The following ZC3H7B variants were observed in gnomAD, a reference collection of about 807,000 sequenced individuals.
The protein encoded by ZC3H7B is zinc finger CCCH domain-containing protein 7B.
ZC3H7B carries 35 observed loss-of-function variants against 116.0 expected under a neutral mutation model. The observed-to-expected ratio is 0.30, with a 90% confidence interval of 0.23 to 0.40. The LOEUF (loss-of-function observed/expected upper bound fraction) is 0.40, where lower values mean the gene tolerates loss of function less well. ZC3H7B is among the 10% of genes least tolerant of loss of function. ZC3H7B has a pLI of 1.00. For synonymous variants in ZC3H7B, 502 were observed against 545.6 expected (o/e 0.92, Z 1.11); for missense variants, 1,011 against 1,321.5 (o/e 0.77, Z 3.64).
intron 2 of ZC3H7B, among the ~76,000 whole-genome samples, chr22:41,321,703 T>C (rs2036258332): frequency 6.6e-6 from 1 of 152,112 alleles, no homozygotes; most frequent in African/African-American, 2.4e-5. Flanking sequence ...GGTAGCCTTA[T>C]TTCCATTTTG....
chr22:41,348,233 G>A, intron 15 of ZC3H7B, 66 bp downstream of exon 15: 7 of 1,426,738 alleles, frequency 4.9e-6, no homozygotes, highest in Non-Finnish European at 6.9e-6. Flanking sequence ...AGGCAGCTCA[G>A]ATGGCTGAGG....
chr22:41,307,756 A>T (rs2036063999), intron 1 of ZC3H7B, among the ~76,000 whole-genome samples: 1 of 152,152 alleles, frequency 6.6e-6, no homozygotes, highest in Non-Finnish European at 1.5e-5. Flanking sequence ...TGGCAGCCCC[A>T]TCTTGTAGAT....
At chr22:41,343,297 T>G in intron 12 of ZC3H7B, 118 bp from the exon 13 acceptor site, 1 of 1,345,926 alleles carries the variant, frequency 7.4e-7, no homozygotes, top group Non-Finnish European at 1.0e-6. Context: ...CAGGAGGCCC[T>G]CAGAGGGGAG....
chr22:41,319,927 A>G (rs1440483487), intron 1 of ZC3H7B, among the ~76,000 whole-genome samples: 1 of 151,780 alleles, frequency 6.6e-6, no homozygotes, highest in Non-Finnish European at 1.5e-5. Context: ...GCTACTCCAG[A>G]GGCTGAGGCA....
chr22:41,325,308 T>C (rs971604754), intron 2 of ZC3H7B, among the ~76,000 whole-genome samples: 2 of 150,898 alleles, frequency 1.3e-5, no homozygotes, highest in Non-Finnish European at 3.0e-5. Context: ...AGGCTGGAGG[T>C]GGGGCTGGGG....
chr22:41,331,145 C>T (rs1234580942), intron 6 of ZC3H7B, among the ~76,000 whole-genome samples: 1 of 147,262 alleles, frequency 6.8e-6, no homozygotes, highest in Non-Finnish European at 1.5e-5. Flanking sequence ...GCGTGAGCCA[C>T]CGCGCCCAGC....
rs564859251 is a variant in ZC3H7B, at chr22:41,327,697, C to T, written c.444+333C>T. Among the ~76,000 whole-genome samples the T allele has an allele frequency of 4.6e-5, 7 of 152,106 alleles. No homozygotes were observed. Among genetic ancestry groups the T allele is most frequent in the African/African-American group, 1.2e-4 (5 of 41,484 alleles). ...CAGCACTTTCGGAGGCTGAGGCAGG[C>T]GGATCACCTGAGGTCAGGAGTTTGA... On this transcript the variant is annotated intron_variant, in intron 5 of 22. Coordinates refer to ENST00000352645, the MANE Select transcript of ZC3H7B (RefSeq NM_017590.6). The surrounding 1 kb of genome is among the most constrained non-coding windows in gnomAD (Gnocchi z 4.5).
Position 41,357,467 on chromosome 22 carries a change from G to C in ZC3H7B, c.*38G>C, listed in dbSNP as rs1429669886. 14 of 1,599,686 alleles carry C rather than the reference G, an allele frequency of 8.8e-6. No individual in the cohort carries two copies. Among genetic ancestry groups the C allele is most frequent in the Admixed American group, 1.7e-5 (1 of 59,792 alleles). On this transcript the variant is annotated 3_prime_UTR_variant, in exon 23 of 23. Coordinates refer to ENST00000352645, the MANE Select transcript of ZC3H7B (RefSeq NM_017590.6). This position sits in a 1 kb window ranked among gnomAD's most constrained non-coding sequence, Gnocchi z 5.4. ...GCCGTGGGTGAAGTCCTGGGGTCAGGGGGTGGGGTGGGGCCAGAAGGCCTG... is the reference window on the plus strand; with the variant it reads ...GCCGTGGGTGAAGTCCTGGGGTCAGCGGGTGGGGTGGGGCCAGAAGGCCTG...
Position 41,349,217 on chromosome 22 carries a change from C to T in ZC3H7B, c.1864C>T (p.Arg622Cys), listed in dbSNP as rs2036627050. 2.5e-6 allele frequency: 4 copies of T among 1,613,650 alleles called. No individual in the cohort carries two copies. Among genetic ancestry groups the T allele is most frequent in the South Asian group, 1.1e-5 (1 of 91,092 alleles). The change falls in exon 16 of 23, where the codon CGC becomes TGC. Residue 622 changes from arginine to cysteine, a missense_variant. Physicochemically the swap from Arg to Cys is radical, Grantham distance 180. Transcript: ENST00000352645. This position sits in a 1 kb window ranked among gnomAD's most constrained non-coding sequence, Gnocchi z 4.9. ...GTTCGACGTGTGCCGCCATGAGGTG[C>T]GCTACGGCTGCCTGCGGGAGGACAG... ...FQFDVCRHEV[R>C]YGCLREDSCH...
intron 4 of ZC3H7B, among the ~76,000 whole-genome samples, chr22:41,326,119 G>A (rs2036314622): frequency 6.6e-6 from 1 of 152,166 alleles, no homozygotes; most frequent in African/African-American, 2.4e-5. Flanking sequence ...TAAAAGTACG[G>A]ATGCATAATA....
At chr22:41,355,406 G>C in intron 17 of ZC3H7B, 63 bp from the exon 18 acceptor site, 23 of 1,593,286 alleles carry the variant, frequency 1.4e-5, no homozygotes, top group Non-Finnish European at 2.0e-5. Flanking sequence ...CCTGTGTGGA[G>C]ACTCCAGGGC....
At position 41,351,707 on chromosome 22, in the gene ZC3H7B, C is replaced by A; in HGVS notation, c.2034+61C>A. The A allele has an allele frequency of 6.6e-7, 1 of 1,512,032 alleles. No individual in the cohort carries two copies. Among genetic ancestry groups the A allele is most frequent in the Non-Finnish European group, 9.0e-7 (1 of 1,106,030 alleles). 93.7% of individuals were successfully genotyped at this position (1,512,032 alleles called of 1,614,324 possible). A position where few individuals can be genotyped will look rare whatever the true frequency, so the allele number is the denominator to read the frequency against. On this transcript the variant is annotated intron_variant, in intron 17 of 22. Transcript: ENST00000352645. The surrounding 1 kb of genome is among the most constrained non-coding windows in gnomAD (Gnocchi z 5.1). ...TTGTGAATTGTCCCCAAATTACAAA[C>A]AGGAAGGCTCTAATTTTACAATAGA...
chr22:41,325,929 C>T lies in ZC3H7B; in HGVS notation c.285+11C>T, dbSNP rs2036312276. 6.3e-7 allele frequency: 1 copy of T among 1,595,176 alleles called. No individual in the cohort carries two copies. Among genetic ancestry groups the T allele is most frequent in the Non-Finnish European group, 8.5e-7 (1 of 1,171,762 alleles). Reference sequence around the variant, plus strand: ...TGCTACTTCACCATGGTGAGCCTGGCACCCTCTTTTCTCTCCTCCTCTGCT... The same window carrying T: ...TGCTACTTCACCATGGTGAGCCTGGTACCCTCTTTTCTCTCCTCCTCTGCT... On this transcript the variant is annotated intron_variant, in intron 4 of 22. Coordinates refer to ENST00000352645, the MANE Select transcript of ZC3H7B (RefSeq NM_017590.6).
intron 7 of ZC3H7B, chr22:41,334,497 A>G (rs1239655965): frequency 1.3e-5 from 2 of 151,998 alleles, no homozygotes; most frequent in Non-Finnish European, 2.9e-5. Context: ...CATCCCTGCA[A>G]TCTTGCTGGG....
Position 41,325,703 on chromosome 22 carries a change from A to G in ZC3H7B, c.88-18A>G. The G allele has an allele frequency of 1.9e-6, 3 of 1,609,542 alleles. No individual in the cohort carries two copies. Among genetic ancestry groups the G allele is most frequent in the Non-Finnish European group, 2.5e-6 (3 of 1,177,808 alleles). Reference sequence around the variant, plus strand: ...GGGCCAGAGGTCATGAGCCCCCTACACACCTTGCCCCCAACAGGCCTTTCT... The same window carrying G: ...GGGCCAGAGGTCATGAGCCCCCTACGCACCTTGCCCCCAACAGGCCTTTCT... On this transcript the variant is annotated intron_variant, in intron 3 of 22. Transcript: ENST00000352645.
intron 1 of ZC3H7B, among the ~76,000 whole-genome samples, chr22:41,316,195 G>A (rs2036181287): frequency 6.6e-6 from 1 of 151,940 alleles, no homozygotes; most frequent in African/African-American, 2.4e-5. Context: ...GTTTCTCCAT[G>A]TTGGTCAGGC....
rs563559839 is a variant in ZC3H7B, at chr22:41,359,659, G to C, written c.*2230G>C. The C allele has an allele frequency of 2.2e-4, 34 of 152,426 alleles. No individual in the cohort carries two copies. The highest frequency in any genetic ancestry group is 7.9e-4 in the African/African-American group (33 of 41,594). The allele number at this position is 152,426 out of a possible 1,614,324, so 9.4% of individuals were successfully genotyped here. A position where few individuals can be genotyped will look rare whatever the true frequency, so the allele number is the denominator to read the frequency against. On this transcript the variant is annotated 3_prime_UTR_variant, in exon 23 of 23. Transcript: ENST00000352645. ...AGTTTTCATCTTCAGCCTGTGATCTGTCCAGGGACCCTTGGGATCTGGGGC... is the reference window on the plus strand; with the variant it reads ...AGTTTTCATCTTCAGCCTGTGATCTCTCCAGGGACCCTTGGGATCTGGGGC...
intron 7 of ZC3H7B, 170 bp downstream of exon 7, chr22:41,332,397 G>C: frequency 1.3e-6 from 1 of 790,518 alleles, no homozygotes; most frequent in Non-Finnish European, 2.1e-6. Context: ...CATGGCTGCT[G>C]TTGGCAGGGA....
At position 41,346,966 on chromosome 22, in the gene ZC3H7B, C is replaced by CA. The variant is rs35397354; in HGVS notation, c.1665+777dup. ...TGGGTGACAGAGTGAGACCCTATTCCAAAAAAAAAAAAAAAAAAATGTCAT... is the reference window on the plus strand; with the variant it reads ...TGGGTGACAGAGTGAGACCCTATTCCAAAAAAAAAAAAAAAAAAAATGTCAT... On this transcript the variant is annotated intron_variant, in intron 14 of 22. Transcript: ENST00000352645. This position sits in a 1 kb window ranked among gnomAD's most constrained non-coding sequence, Gnocchi z 5.3. 8.9e-3 allele frequency among the ~76,000 whole-genome samples: 1,036 copies of CA among 116,750 alleles called. 6 individuals carry two copies. The highest frequency in any genetic ancestry group is 0.012 in the Non-Finnish European group (702 of 58,282). The allele number at this position is 116,750 out of a possible 152,430, so 76.6% of individuals were successfully genotyped here. A position where few individuals can be genotyped will look rare whatever the true frequency, so the allele number is the denominator to read the frequency against.
Sources: allele counts gnomAD v4.1 joint callset (sites outside exome capture counted in the v4.1 genomes callset), GRCh38; gene constraint gnomAD v4.1.1; non-coding constraint Gnocchi (gnomAD v3.1); transcripts MANE v1.5; gene names NCBI Gene and HGNC (gene_info 2026-07-23, HGNC 2026-07-21).